Variants in FHOD3 observed in about 807,000 individuals in gnomAD.
FHOD3 encodes the protein formin homology 2 domain containing 3.
In FHOD3, 90 loss-of-function variants were observed where a neutral mutation model predicts 173.0. That is an observed-to-expected ratio of 0.52 (90% CI 0.44 to 0.62). The LOEUF (loss-of-function observed/expected upper bound fraction) is 0.62, where lower values mean the gene tolerates loss of function less well. Among genes scored for constraint, FHOD3 ranks in the 20% least tolerant of loss-of-function variants. The pLI is 0.00. For synonymous variants in FHOD3, 828 were observed against 823.0 expected, an observed-to-expected ratio of 1.01 and a Z score of -0.10; for missense variants, 1,945 against 2,034.7, an observed-to-expected ratio of 0.96 and a Z score of 0.85.
In FHOD3 at chr18:36,301,536, T is replaced by C. The variant is rs373987196; in HGVS notation, c.165+3536T>C. ...TGCCATATTCTCATTGGGGAGATGTTCATTTTGATGGTTATATGTTCTAGG... is the reference window on the plus strand; with the variant it reads ...TGCCATATTCTCATTGGGGAGATGTCCATTTTGATGGTTATATGTTCTAGG... On this transcript the variant is annotated intron_variant, in intron 1 of 28. Coordinates refer to ENST00000590592, the MANE Select transcript of FHOD3 (RefSeq NM_001281740.3). 4.6e-5 allele frequency among the ~76,000 whole-genome samples: 7 copies of C among 152,210 alleles called. No homozygotes were observed. The East Asian group carries it at 5.8e-4, about 13-fold the overall frequency.
chr18:36,739,071 C>T (rs961080472), intron 20 of FHOD3, among the ~76,000 whole-genome samples: 1 of 152,172 alleles, frequency 6.6e-6, no homozygotes, highest in Non-Finnish European at 1.5e-5. Context: ...AAAAGCAATC[C>T]TTAGCTGCCC....
At chr18:36,471,661 C>T (rs528143672) in intron 3 of FHOD3, among the ~76,000 whole-genome samples, 2 of 152,290 alleles carry the variant, frequency 1.3e-5, no homozygotes, top group Admixed American at 6.5e-5. Flanking sequence ...ATTAGAATCA[C>T]CAGGGCAAAG....
At chr18:36,361,758 C>T (rs573712828) in intron 2 of FHOD3, among the ~76,000 whole-genome samples, 5 of 151,894 alleles carry the variant, frequency 3.3e-5, no homozygotes, top group Admixed American at 2.6e-4. Flanking sequence ...GAACCTGCAG[C>T]GTAGGCTCTC....
chr18:36,625,407 G>A, intron 9 of FHOD3, 104 bp from the exon 10 acceptor site: 1 of 1,064,660 alleles, frequency 9.4e-7, no homozygotes. Flanking sequence ...TGCGAAGACA[G>A]AGTTAAAAAT....
At chr18:36,725,478 G>T (rs1289093611) in intron 19 of FHOD3, among the ~76,000 whole-genome samples, 1 of 152,148 alleles carries the variant, frequency 6.6e-6, no homozygotes, top group Non-Finnish European at 1.5e-5. Flanking sequence ...GACCATCAGG[G>T]ACTGGGCTTG....
intron 7 of FHOD3, among the ~76,000 whole-genome samples, chr18:36,598,640 C>T (rs1160963340): frequency 6.6e-6 from 1 of 152,076 alleles, no homozygotes; most frequent in African/African-American, 2.4e-5. Context: ...GCAAGCTCCA[C>T]CTCTGCGTTA....
At chr18:36,535,393 C>A (rs1599554595) in intron 5 of FHOD3, among the ~76,000 whole-genome samples, 1 of 152,272 alleles carries the variant, frequency 6.6e-6, no homozygotes, top group African/African-American at 2.4e-5. Flanking sequence ...CCTAGCGCTT[C>A]CCCTAACAGT....
intron 3 of FHOD3, among the ~76,000 whole-genome samples, chr18:36,421,084 G>C (rs763671138): frequency 9.2e-5 from 14 of 152,112 alleles, no homozygotes; most frequent in Non-Finnish European, 1.8e-4. Context: ...GCACTCGGGT[G>C]CTTGAACTGT....
chr18:36,350,921 G>C (rs1384024813), intron 1 of FHOD3, among the ~76,000 whole-genome samples: 1 of 152,156 alleles, frequency 6.6e-6, no homozygotes. Flanking sequence ...AACTAAACAT[G>C]ACCCCATCCC....
At chr18:36,412,925 T>A (rs1408076100) in intron 3 of FHOD3, among the ~76,000 whole-genome samples, 1 of 152,222 alleles carries the variant, frequency 6.6e-6, no homozygotes, top group Non-Finnish European at 1.5e-5. Context: ...GCTTTGGAAC[T>A]GGTGTCCTAG....
chr18:36,431,303 T>A (rs1408599790), intron 3 of FHOD3, among the ~76,000 whole-genome samples: 2 of 152,236 alleles, frequency 1.3e-5, no homozygotes, highest in African/African-American at 2.4e-5. Flanking sequence ...TGATGCTCTG[T>A]AAGCCATATC....
chr18:36,460,985 G>A (rs1429400805), intron 3 of FHOD3, among the ~76,000 whole-genome samples: 1 of 152,178 alleles, frequency 6.6e-6, no homozygotes, highest in African/African-American at 2.4e-5. Flanking sequence ...TAATTATGGG[G>A]GCCAAGACCT....
intron 3 of FHOD3, among the ~76,000 whole-genome samples, chr18:36,394,376 A>G (rs558635943): frequency 2.6e-5 from 4 of 152,324 alleles, no homozygotes; most frequent in African/African-American, 9.6e-5. Flanking sequence ...GCAGGGGAGA[A>G]TATTCTGGAA....
At chr18:36,745,700 C>T (rs1490393833) in intron 23 of FHOD3, among the ~76,000 whole-genome samples, 2 of 151,842 alleles carry the variant, frequency 1.3e-5, no homozygotes, top group Non-Finnish European at 2.9e-5. Context: ...CCACGCATCT[C>T]CCGCTCAGCC....
chr18:36,779,362 A>C, intron 28 of FHOD3, 86 bp from the exon 29 acceptor site: 2 of 1,179,896 alleles, frequency 1.7e-6, no homozygotes, highest in Non-Finnish European at 1.3e-6. Context: ...AGAAGGGGGG[A>C]CTGGAGTCTT....
intron 23 of FHOD3, 94 bp downstream of exon 23, chr18:36,744,287 A>G: frequency 1.5e-6 from 2 of 1,329,214 alleles, no homozygotes; most frequent in Non-Finnish European, 2.1e-6. Flanking sequence ...CTATTAAGTA[A>G]AATGCCCAAG....
chr18:36,303,587 A>G (rs1043823865), intron 1 of FHOD3, among the ~76,000 whole-genome samples: 1 of 152,164 alleles, frequency 6.6e-6, no homozygotes, highest in Non-Finnish European at 1.5e-5. Context: ...AAACAGATTA[A>G]CATGCTGAGG....
chr18:36,733,891 G>A (rs537887123), intron 20 of FHOD3, among the ~76,000 whole-genome samples: 2 of 152,316 alleles, frequency 1.3e-5, no homozygotes, highest in South Asian at 4.1e-4. Flanking sequence ...CCAAGCCAGT[G>A]AGCCAGAGAG....
At chr18:36,441,191 G>T (rs1342483410) in intron 3 of FHOD3, among the ~76,000 whole-genome samples, 1 of 151,996 alleles carries the variant, frequency 6.6e-6, no homozygotes, top group Non-Finnish European at 1.5e-5. Context: ...GGTGAGGTGA[G>T]CAGGTATATG....
Sources: gnomAD v4.1 joint callset for allele counts (sites outside exome capture counted in the v4.1 genomes callset) on GRCh38, gnomAD v4.1.1 for gene constraint, MANE v1.5 for transcripts, NCBI Gene and HGNC (gene_info 2026-07-23, HGNC 2026-07-21) for gene names.